Variants in TMEM131L observed in about 807,000 individuals in gnomAD.
The protein encoded by TMEM131L is transmembrane 131 like.
TMEM131L carries 54 observed loss-of-function variants against 192.2 expected under a neutral mutation model. The ratio of observed to expected loss-of-function variants is 0.28; its 90% confidence interval spans 0.23 to 0.35. The LOEUF (loss-of-function observed/expected upper bound fraction) is 0.35, where lower values mean the gene tolerates loss of function less well. TMEM131L is among the 10% of genes least tolerant of loss of function. TMEM131L has a pLI of 1.00. For missense variants in TMEM131L, 1,888 were observed against 1,972.9 expected (o/e 0.96, Z 0.82); for synonymous variants, 701 against 704.9 (o/e 0.99, Z 0.09).
intron 3 of TMEM131L, among the ~76,000 whole-genome samples, chr4:153,491,509 G>T (rs1175430221): frequency 1.3e-5 from 2 of 151,948 alleles, no homozygotes; most frequent in Non-Finnish European, 1.5e-5. Context: ...CATTCATATG[G>T]TAAGACTTAA....
intron 7 of TMEM131L, among the ~76,000 whole-genome samples, chr4:153,578,761 C>T (rs1578787453): frequency 6.6e-6 from 1 of 152,048 alleles, no homozygotes; most frequent in African/African-American, 2.4e-5. Flanking sequence ...ACCCCGTGAT[C>T]CACCCGCCTC....
chr4:153,499,743 C>T (rs553428531), intron 3 of TMEM131L, among the ~76,000 whole-genome samples: 61 of 152,264 alleles, frequency 4.0e-4, no homozygotes, highest in South Asian at 8.3e-4. Context: ...CATTCTTACC[C>T]TGATTGGTTA....
intron 2 of TMEM131L, among the ~76,000 whole-genome samples, chr4:153,468,310 AGAG>A (rs1334608801): frequency 3.3e-5 from 5 of 152,222 alleles, no homozygotes; most frequent in Non-Finnish European, 7.3e-5. Context: ...AGGTGATTTT[AGAG>A]GAGAATTTTC....
intron 3 of TMEM131L, among the ~76,000 whole-genome samples, chr4:153,483,938 A>T (rs1732124730): frequency 1.3e-5 from 2 of 152,038 alleles, no homozygotes; most frequent in African/African-American, 4.8e-5. Context: ...TTTTGGATGG[A>T]TCCCAACATC....
intron 7 of TMEM131L, among the ~76,000 whole-genome samples, chr4:153,566,281 G>A (rs753888525): frequency 2.3e-4 from 35 of 151,900 alleles, no homozygotes; most frequent in Non-Finnish European, 4.0e-4. Context: ...GACCACAGGC[G>A]CCCGCAAGCA....
intron 3 of TMEM131L, among the ~76,000 whole-genome samples, chr4:153,524,243 C>T (rs111399483): frequency 1.1e-3 from 173 of 151,464 alleles, no homozygotes; most frequent in Middle Eastern, 6.8e-3. Flanking sequence ...GAGTTCCCTT[C>T]CAGGGCATGT....
At chr4:153,611,115 A>T (rs1474594361) in intron 25 of TMEM131L, among the ~76,000 whole-genome samples, 1 of 152,336 alleles carries the variant, frequency 6.6e-6, no homozygotes, top group South Asian at 2.1e-4. Context: ...CCCAGCACCC[A>T]CTTTTGCCAT....
intron 7 of TMEM131L, among the ~76,000 whole-genome samples, chr4:153,579,675 A>G (rs1269546987): frequency 1.3e-5 from 2 of 151,990 alleles, no homozygotes; most frequent in Non-Finnish European, 2.9e-5. Context: ...GGGTTTTGCC[A>G]TGTCTCCTAG....
At position 153,536,915 on chromosome 4, in the gene TMEM131L, T is replaced by C. The variant is rs377697762; in HGVS notation, c.240-13158T>C. 1.2e-4 allele frequency among the ~76,000 whole-genome samples: 19 copies of C among 152,252 alleles called. No individual in the cohort carries two copies. The East Asian group carries it at 1.9e-3, about 15-fold the overall frequency. ...GAAGCATCCAGCACGGGAGAAAGCA[T>C]AGGAAAAAGATGTTGGCTGGGAGGC... On this transcript the variant is annotated intron_variant, in intron 3 of 34. Transcript: ENST00000409959.
intron 7 of TMEM131L, among the ~76,000 whole-genome samples, chr4:153,571,791 G>A (rs1452648259): frequency 6.6e-6 from 1 of 152,014 alleles, no homozygotes; most frequent in African/African-American, 2.4e-5. Context: ...AAACTCCTGA[G>A]CTCAAGTGAT....
intron 3 of TMEM131L, among the ~76,000 whole-genome samples, chr4:153,516,233 G>A (rs1361415523): frequency 6.6e-6 from 1 of 152,010 alleles, no homozygotes; most frequent in Non-Finnish European, 1.5e-5. Flanking sequence ...TTATATGAAT[G>A]TTCTATAATT....
At chr4:153,515,622 C>CT (rs1160854094) in intron 3 of TMEM131L, among the ~76,000 whole-genome samples, 5 of 152,138 alleles carry the variant, frequency 3.3e-5, no homozygotes, top group Admixed American at 3.3e-4. Flanking sequence ...TATATGGTAA[C>CT]TTTATGTGTT....
chr4:153,566,336 C>T (rs1418386172), intron 7 of TMEM131L, among the ~76,000 whole-genome samples: 1 of 151,958 alleles, frequency 6.6e-6, no homozygotes, highest in East Asian at 1.9e-4. Flanking sequence ...GGGGTTTCAC[C>T]ATGTTAGCCA....
chr4:153,487,188 T>C (rs554141956), intron 3 of TMEM131L, among the ~76,000 whole-genome samples: 4 of 152,316 alleles, frequency 2.6e-5, no homozygotes, highest in South Asian at 4.1e-4. Context: ...TTACAAAATA[T>C]ACTTTTTGTG....
chr4:153,575,581 A>C (rs575849177), intron 7 of TMEM131L, among the ~76,000 whole-genome samples: 1 of 152,212 alleles, frequency 6.6e-6, no homozygotes, highest in South Asian at 2.1e-4. Flanking sequence ...TAACCCCTCC[A>C]AGCCACAATT....
rs1276820567 is a variant in TMEM131L at position 153,512,669 on chromosome 4, AGTG to A, written c.240-37402_240-37400del. On this transcript the variant is annotated intron_variant, in intron 3 of 34. Coordinates refer to ENST00000409959, the MANE Select transcript of TMEM131L (RefSeq NM_001131007.2). ...TTGCTCTGTCGCCAGGCTGGAATGCAGTGGCTCAATCTCAGCTCACTGAAACCT... is the reference window on the plus strand; with the variant it reads ...TTGCTCTGTCGCCAGGCTGGAATGCAGCTCAATCTCAGCTCACTGAAACCT... Among the ~76,000 whole-genome samples the A allele has an allele frequency of 2.6e-5, 4 of 152,142 alleles. No individual in the cohort carries two copies. The East Asian group carries it at 7.7e-4, about 29-fold the overall frequency.
chr4:153,634,101 T>C, intron 32 of TMEM131L, 91 bp from the exon 33 acceptor site: 1 of 1,064,426 alleles, frequency 9.4e-7, no homozygotes, highest in Non-Finnish European at 1.5e-6. Flanking sequence ...TCACAGTGAT[T>C]AGGATGCTAG....
intron 21 of TMEM131L, among the ~76,000 whole-genome samples, chr4:153,600,198 C>T (rs1731736534): frequency 6.6e-6 from 1 of 152,084 alleles, no homozygotes; most frequent in Non-Finnish European, 1.5e-5. Flanking sequence ...GACCTCATCT[C>T]TGCTAAGAAT....
At chr4:153,523,742 G>T (rs1182262589) in intron 3 of TMEM131L, among the ~76,000 whole-genome samples, 1 of 152,094 alleles carries the variant, frequency 6.6e-6, no homozygotes, top group Non-Finnish European at 1.5e-5. Flanking sequence ...AAAAGTCTGC[G>T]GTTAGTGTTA....
Sources: gnomAD v4.1 joint callset for allele counts (sites outside exome capture counted in the v4.1 genomes callset) on GRCh38, gnomAD v4.1.1 for gene constraint, MANE v1.5 for transcripts, NCBI Gene and HGNC (gene_info 2026-07-23, HGNC 2026-07-21) for gene names.